The following SEMA3C variants were observed in gnomAD, a reference collection of about 807,000 sequenced individuals.
SEMA3C encodes semaphorin-3C.
In SEMA3C, 47 loss-of-function variants were observed where a neutral mutation model predicts 89.4. The observed-to-expected ratio is 0.53, with a 90% confidence interval of 0.42 to 0.67. SEMA3C has a LOEUF of 0.67. SEMA3C is among the 30% of genes least tolerant of loss of function. SEMA3C has a pLI of 0.00. For missense variants in SEMA3C, 839 were observed against 929.1 expected (o/e 0.90, Z 1.26); for synonymous variants, 310 against 320.2 (o/e 0.97, Z 0.34).
intron 2 of SEMA3C, among the ~76,000 whole-genome samples, chr7:80,837,473 G>A (rs532359221): frequency 6.6e-6 from 1 of 152,284 alleles, no homozygotes; most frequent in South Asian, 2.1e-4. Flanking sequence ...GATTATTGGG[G>A]CAAACAGGAA....
intron 2 of SEMA3C, among the ~76,000 whole-genome samples, chr7:80,854,222 T>C (rs1052103309): frequency 2.6e-5 from 4 of 152,068 alleles, no homozygotes; most frequent in African/African-American, 9.7e-5. Context: ...TCAAAGAAAA[T>C]GACAAAAAGC....
chr7:80,766,750 G>C (rs1306108852), intron 12 of SEMA3C, among the ~76,000 whole-genome samples: 2 of 152,214 alleles, frequency 1.3e-5, no homozygotes, highest in Non-Finnish European at 2.9e-5. Context: ...GTGATCAGCA[G>C]CTTCCCAGTA....
intron 9 of SEMA3C, among the ~76,000 whole-genome samples, chr7:80,802,437 T>C (rs1789231270): frequency 6.6e-6 from 1 of 152,164 alleles, no homozygotes. Flanking sequence ...TTCATTCATA[T>C]ATTATGGTGA....
At chr7:80,757,286 T>C (rs1175427617) in intron 15 of SEMA3C, among the ~76,000 whole-genome samples, 1 of 152,260 alleles carries the variant, frequency 6.6e-6, no homozygotes, top group African/African-American at 2.4e-5. Context: ...TCATGACCTA[T>C]GTCACTGTAT....
chr7:80,782,577 A>G (rs1032723763), intron 12 of SEMA3C, among the ~76,000 whole-genome samples: 2 of 152,234 alleles, frequency 1.3e-5, no homozygotes, highest in Non-Finnish European at 2.9e-5. Context: ...CAATATATGA[A>G]ATCAGACAGC....
At position 80,848,859 on chromosome 7, in the gene SEMA3C, G is replaced by A. The variant is rs79020377; in HGVS notation, c.104-20114C>T. On this transcript the variant is annotated intron_variant, in intron 2 of 17. Coordinates refer to ENST00000265361, the MANE Select transcript of SEMA3C (RefSeq NM_006379.5). ...GTTTTCGTTTTATTTTTCAATTTAC[G>A]GTGGTTTTATTCATGGTGATTTTGT... Among the ~76,000 whole-genome samples the A allele has an allele frequency of 6.2e-3, 935 of 151,660 alleles. 48 individuals are homozygous for A. The East Asian group carries it at 0.11, about 18-fold the overall frequency.
intron 14 of SEMA3C, 140 bp from the exon 15 acceptor site, chr7:80,758,628 G>A: frequency 3.8e-6 from 3 of 787,782 alleles, no homozygotes; most frequent in South Asian, 3.2e-5. Context: ...AGCACAGAAG[G>A]GTATGAAGCC....
intron 11 of SEMA3C, among the ~76,000 whole-genome samples, chr7:80,794,553 T>TA (rs575007616): frequency 1.2e-4 from 18 of 152,290 alleles, no homozygotes; most frequent in Admixed American, 3.3e-4. Context: ...TCCTTGCCAC[T>TA]ACTGACTATG....
intron 2 of SEMA3C, among the ~76,000 whole-genome samples, chr7:80,905,123 G>A (rs577782213): frequency 6.7e-6 from 1 of 149,438 alleles, no homozygotes; most frequent in African/African-American, 2.5e-5. Context: ...TTGAACTCCT[G>A]ATATTTAAAA....
intron 2 of SEMA3C, among the ~76,000 whole-genome samples, chr7:80,902,013 C>T (rs1478962761): frequency 3.3e-5 from 5 of 152,092 alleles, no homozygotes; most frequent in African/African-American, 9.7e-5. Context: ...AGTGCAGTGG[C>T]GCTATCACAG....
At chr7:80,922,308 T>C (rs1467286823), upstream of SEMA3C, 2 of 1,288,242 alleles carry the variant, frequency 1.6e-6, no homozygotes, top group South Asian at 1.2e-5. Context: ...CTTCCCTCTC[T>C]TTCTCCTTCA....
intron 2 of SEMA3C, among the ~76,000 whole-genome samples, chr7:80,845,771 G>C (rs980593930): frequency 1.3e-5 from 2 of 152,140 alleles, no homozygotes; most frequent in African/African-American, 4.8e-5. Context: ...GGCAGTCTGT[G>C]TGCTGGGAGT....
At chr7:80,877,495 T>C (rs1348186025) in intron 2 of SEMA3C, among the ~76,000 whole-genome samples, 1 of 152,202 alleles carries the variant, frequency 6.6e-6, no homozygotes, top group Non-Finnish European at 1.5e-5. Flanking sequence ...TAAAGATTAA[T>C]CTCAAGTGTG....
chr7:80,770,040 T>C (rs1030405133), intron 12 of SEMA3C, among the ~76,000 whole-genome samples: 5 of 152,176 alleles, frequency 3.3e-5, no homozygotes, highest in African/African-American at 1.2e-4. Context: ...CTGTATCATT[T>C]ACTAATAATT....
chr7:80,881,122 C>CA (rs1420204453), intron 2 of SEMA3C, among the ~76,000 whole-genome samples: 1 of 148,542 alleles, frequency 6.7e-6, no homozygotes, highest in Admixed American at 6.8e-5. Flanking sequence ...GATCTTCTAC[C>CA]AAAAAAATTC....
intron 2 of SEMA3C, among the ~76,000 whole-genome samples, chr7:80,881,842 T>C (rs915864006): frequency 4.6e-5 from 7 of 152,146 alleles, no homozygotes; most frequent in African/African-American, 1.7e-4. Context: ...TTTGTTGTGA[T>C]AGAGAAAGCT....
At chr7:80,748,830 G>C in intron 17 of SEMA3C, 68 bp downstream of exon 17, 1 of 1,463,654 alleles carries the variant, frequency 6.8e-7, no homozygotes, top group Non-Finnish European at 9.2e-7. Context: ...TCTGAGCCTC[G>C]CTGAGGGACA....
At chr7:80,777,025 G>T (rs1331866872) in intron 12 of SEMA3C, among the ~76,000 whole-genome samples, 1 of 152,102 alleles carries the variant, frequency 6.6e-6, no homozygotes, top group Non-Finnish European at 1.5e-5. Flanking sequence ...GTACATGTGT[G>T]TATGTCTCTA....
At chr7:80,887,276 T>A (rs989364032) in intron 2 of SEMA3C, among the ~76,000 whole-genome samples, 5 of 152,158 alleles carry the variant, frequency 3.3e-5, no homozygotes, top group African/African-American at 1.2e-4. Flanking sequence ...TTCAAAACAA[T>A]TAATTCAATT....
Sources: gnomAD v4.1 joint callset for allele counts (sites outside exome capture counted in the v4.1 genomes callset) on GRCh38, gnomAD v4.1.1 for gene constraint, MANE v1.5 for transcripts, NCBI Gene and HGNC (gene_info 2026-07-23, HGNC 2026-07-21) for gene names.